SLC8A1: variants seen among roughly 807,000 people sequenced by gnomAD.
SLC8A1 encodes the protein solute carrier family 8 member A1.
In SLC8A1, 18 loss-of-function variants were observed where a neutral mutation model predicts 68.3. The observed-to-expected ratio is 0.26, with a 90% CI of 0.18 to 0.39. The LOEUF is 0.39. SLC8A1 is among the 10% of genes least tolerant of loss of function. The pLI is 1.00. For synonymous variants in SLC8A1, 475 were observed against 415.5 expected (o/e 1.14, Z -1.74); for missense variants, 985 against 1,156.7 (o/e 0.85, Z 2.15).
upstream of SLC8A1, among the ~76,000 whole-genome samples, chr2:40,454,756 C>T (rs1040358813): frequency 4.6e-5 from 7 of 152,120 alleles, no homozygotes; most frequent in African/African-American, 1.2e-4. Context: ...GGTTCCAGGG[C>T]CCCAAGGCAA....
intron 1 of SLC8A1, among the ~76,000 whole-genome samples, chr2:40,448,732 AG>A (rs1358315160): frequency 6.6e-6 from 1 of 152,104 alleles, no homozygotes; most frequent in Non-Finnish European, 1.5e-5. Flanking sequence ...GGTTATGATG[AG>A]GGGTGTATGA....
intron 2 of SLC8A1, among the ~76,000 whole-genome samples, chr2:40,329,060 T>TTACACA (rs1205744450): frequency 5.7e-5 from 8 of 141,144 alleles, no homozygotes; most frequent in African/African-American, 2.1e-4. Context: ...CACTACAACC[T>TTACACA]CACACACACA....
chr2:40,362,526 G>A (rs1248964851), intron 2 of SLC8A1, among the ~76,000 whole-genome samples: 7 of 152,122 alleles, frequency 4.6e-5, no homozygotes. Flanking sequence ...ATTTTAAAAT[G>A]CTACACCACT....
intron 2 of SLC8A1, among the ~76,000 whole-genome samples, chr2:40,409,263 G>C (rs1014392844): frequency 6.6e-6 from 1 of 151,928 alleles, no homozygotes. Context: ...TTGTTACTAG[G>C]GTATATTCTA....
chr2:40,221,038 C>T (rs2058257295), intron 2 of SLC8A1, among the ~76,000 whole-genome samples: 1 of 151,960 alleles, frequency 6.6e-6, no homozygotes, highest in Admixed American at 6.6e-5. Flanking sequence ...AGGCCAGCAT[C>T]ATCCTGATAC....
At chr2:40,477,349 G>A (rs1363690380) in intron 1 of SLC8A1, among the ~76,000 whole-genome samples, 1 of 152,170 alleles carries the variant, frequency 6.6e-6, no homozygotes, top group East Asian at 1.9e-4. Flanking sequence ...CTGAACACAT[G>A]TGAGTAAATC....
At chr2:40,102,478 G>GA (rs1362546651) in exon 8 of SLC8A1, 1 of 152,040 alleles carries the variant, frequency 6.6e-6, no homozygotes, top group Non-Finnish European at 1.5e-5. Context: ...TTCAGTTGGT[G>GA]AAAAATTAAG....
chr2:40,359,729 G>C (rs374449898), intron 2 of SLC8A1, among the ~76,000 whole-genome samples: 3 of 152,164 alleles, frequency 2.0e-5, no homozygotes, highest in Admixed American at 6.6e-5. Context: ...CAAAGATACA[G>C]AGTATATGGA....
intron 2 of SLC8A1, among the ~76,000 whole-genome samples, chr2:40,313,661 C>T (rs2074045922): frequency 6.6e-6 from 1 of 151,794 alleles, no homozygotes; most frequent in Admixed American, 6.6e-5. Flanking sequence ...CCTCGGCCTC[C>T]CAAAATGTTG....
At chr2:40,440,704 G>C (rs1179717873) in intron 1 of SLC8A1, among the ~76,000 whole-genome samples, 1 of 152,144 alleles carries the variant, frequency 6.6e-6, no homozygotes, top group Non-Finnish European at 1.5e-5. Context: ...AATAGACGCA[G>C]AAAAGGCATT....
chr2:40,383,847 T>C (rs759602178), intron 2 of SLC8A1, among the ~76,000 whole-genome samples: 3 of 152,068 alleles, frequency 2.0e-5, no homozygotes, highest in Non-Finnish European at 4.4e-5. Context: ...CTGTAAACAT[T>C]ATCCTTAACA....
In SLC8A1 at chr2:40,428,568, G is replaced by A. The variant is rs774752331; in HGVS notation, c.1713C>T (p.Ile571=). 1.5e-5 allele frequency: 24 copies of A among 1,613,614 alleles called. No homozygotes were observed. The highest frequency in any genetic ancestry group is 6.6e-5 in the South Asian group (6 of 91,076). ...TCCCTTCGATGGTTTTATATGGAAC[G>A]ATAACATTTCCTCGAGCTCCAGATG... Residue 571 remains isoleucine, a synonymous_variant, in exon 2 of 8, where the codon ATC becomes ATT. Coordinates refer to ENST00000406785, the Ensembl canonical transcript of SLC8A1.
chr2:40,401,272 C>G (rs565125065), intron 2 of SLC8A1, among the ~76,000 whole-genome samples: 1 of 152,274 alleles, frequency 6.6e-6, no homozygotes, highest in South Asian at 2.1e-4. Context: ...TGTACTTGTA[C>G]CATTCTTCAA....
chr2:40,216,419 A>G (rs2057494260), intron 2 of SLC8A1, among the ~76,000 whole-genome samples: 1 of 152,040 alleles, frequency 6.6e-6, no homozygotes, highest in South Asian at 2.1e-4. Flanking sequence ...GGGCATTTGT[A>G]TTGGCTCCAT....
chr2:40,402,954 T>C (rs1654960159), intron 2 of SLC8A1, among the ~76,000 whole-genome samples: 1 of 152,168 alleles, frequency 6.6e-6, no homozygotes, highest in South Asian at 2.1e-4. Flanking sequence ...CCAGAGCTGA[T>C]CCACAGTTAA....
At chr2:40,150,977 T>C (rs2043311355) in intron 6 of SLC8A1, among the ~76,000 whole-genome samples, 1 of 152,144 alleles carries the variant, frequency 6.6e-6, no homozygotes, top group African/African-American at 2.4e-5. Context: ...CTCCCATAAA[T>C]AGTTTATATC....
intron 1 of SLC8A1, among the ~76,000 whole-genome samples, chr2:40,482,954 C>CTTT (rs76752710): frequency 1.5e-5 from 2 of 137,836 alleles, no homozygotes; most frequent in Non-Finnish European, 3.1e-5. Context: ...CCACGCCCGG[C>CTTT]TTTTTTTTTT....
At chr2:40,344,558 A>C (rs1436857220) in intron 2 of SLC8A1, among the ~76,000 whole-genome samples, 3 of 152,202 alleles carry the variant, frequency 2.0e-5, no homozygotes, top group Non-Finnish European at 2.9e-5. Flanking sequence ...ATTTTAATGT[A>C]AACTATTAGA....
At chr2:40,476,795 A>G (rs1160829438) in intron 1 of SLC8A1, among the ~76,000 whole-genome samples, 1 of 152,176 alleles carries the variant, frequency 6.6e-6, no homozygotes, top group Admixed American at 6.5e-5. Context: ...AGTCATTCCA[A>G]TTTTATGAGA....
Sources: gnomAD v4.1 joint callset for allele counts (sites outside exome capture counted in the v4.1 genomes callset) on GRCh38, gnomAD v4.1.1 for gene constraint, MANE v1.5 for transcripts, NCBI Gene and HGNC (gene_info 2026-07-23, HGNC 2026-07-21) for gene names.